CNTNAP2: variants seen among roughly 807,000 people sequenced by gnomAD.
CNTNAP2 encodes the protein contactin associated protein 2, also known as contactin-associated protein-like 2.
CNTNAP2 carries 98 observed loss-of-function variants against 155.2 expected under a neutral mutation model. That is an observed-to-expected ratio of 0.63 (90% CI 0.54 to 0.75). CNTNAP2 has a LOEUF of 0.75. Among genes scored for constraint, CNTNAP2 ranks in the 30% least tolerant of loss-of-function variants. CNTNAP2 has a pLI of 0.00. For missense variants in CNTNAP2, 1,727 were observed against 1,688.1 expected (o/e 1.02, Z -0.40); for synonymous variants, 651 against 631.2 (o/e 1.03, Z -0.47).
At chr7:148,136,932 A>G (rs1804964811) in intron 16 of CNTNAP2, among the ~76,000 whole-genome samples, 1 of 152,230 alleles carries the variant, frequency 6.6e-6, no homozygotes, top group Non-Finnish European at 1.5e-5. Flanking sequence ...TTCAGCTGTT[A>G]TCCAAAACAA....
rs1332838451 is a variant in CNTNAP2 at position 146,314,436 on chromosome 7, T to C, written c.97+197463T>C. Among the ~76,000 whole-genome samples, 3 of 152,186 alleles carry C rather than the reference T, an allele frequency of 2.0e-5. No individual in the cohort carries two copies. The East Asian group carries it at 5.8e-4, about 29-fold the overall frequency. ...TGTTCCAGTTCTTTCTGTCTCTCTT[T>C]TCAGAGAAGCTGAGAGCCAGAGTTT... On this transcript the variant is annotated intron_variant, in intron 1 of 23. Transcript: ENST00000361727.
intron 4 of CNTNAP2, among the ~76,000 whole-genome samples, chr7:147,099,185 A>G (rs569517718): frequency 2.0e-5 from 3 of 152,270 alleles, no homozygotes; most frequent in Admixed American, 2.0e-4. Flanking sequence ...GTTGTCTTGT[A>G]CCTGATTCTG....
rs1278951947 is a variant in CNTNAP2, at chr7:147,771,088, GAGTAGCTAC to G, written c.2098+131787_2098+131795del. ...GATTTATAACCAAGGTAGTGACAAA[GAGTAGCTAC>G]AGTAAAAATAACTATGTTTTAATAA... On this transcript the variant is annotated intron_variant, in intron 13 of 23. Transcript: ENST00000361727. Among the ~76,000 whole-genome samples the G allele has an allele frequency of 9.2e-5, 14 of 152,240 alleles. 1 individual carries two copies. In the South Asian group the frequency reaches 2.7e-3, roughly 29 times the overall value.
chr7:147,061,910 C>T lies in CNTNAP2; in HGVS notation c.550+17856C>T, dbSNP rs112306868. 2.6e-4 allele frequency among the ~76,000 whole-genome samples: 39 copies of T among 151,942 alleles called. 1 individual carries two copies. The South Asian group carries it at 7.5e-3, about 29-fold the overall frequency. ...AGCACTTTGGGAGGTGGGCGGATCACGAGGTCAGGAGATTGAGACCATCCT... is the reference window on the plus strand; with the variant it reads ...AGCACTTTGGGAGGTGGGCGGATCATGAGGTCAGGAGATTGAGACCATCCT... On this transcript the variant is annotated intron_variant, in intron 4 of 23. Coordinates refer to ENST00000361727, the MANE Select transcript of CNTNAP2 (RefSeq NM_014141.6).
intron 1 of CNTNAP2, among the ~76,000 whole-genome samples, chr7:146,437,707 T>G (rs1216255027): frequency 1.3e-5 from 2 of 151,600 alleles, no homozygotes; most frequent in Non-Finnish European, 2.9e-5. Flanking sequence ...AATTTCTCCT[T>G]AGATGCTGGG....
intron 1 of CNTNAP2, among the ~76,000 whole-genome samples, chr7:146,347,337 A>G (rs1268044071): frequency 6.6e-6 from 1 of 152,088 alleles, no homozygotes; most frequent in East Asian, 1.9e-4. Context: ...AATCAGTCTC[A>G]CCATAAGTCC....
At chr7:146,726,254 ATATC>A (rs1206083807) in intron 1 of CNTNAP2, among the ~76,000 whole-genome samples, 6 of 152,194 alleles carry the variant, frequency 3.9e-5, no homozygotes, top group African/African-American at 7.2e-5. Context: ...TTAGGGAACA[ATATC>A]TAGGTAACAA....
intron 12 of CNTNAP2, among the ~76,000 whole-genome samples, chr7:147,626,282 T>G (rs79307864): frequency 0.09 from 13,602 of 151,900 alleles, 1,687 homozygotes; most frequent in African/African-American, 0.26. Flanking sequence ...GAAGTCTATG[T>G]CCTCAGGCAA....
At chr7:147,038,109 C>G (rs985784428) in intron 3 of CNTNAP2, among the ~76,000 whole-genome samples, 3 of 152,158 alleles carry the variant, frequency 2.0e-5, no homozygotes, top group Non-Finnish European at 4.4e-5. Flanking sequence ...TTAGCTATGA[C>G]TGTGCCACTG....
At chr7:147,861,869 A>G (rs1473894585) in intron 13 of CNTNAP2, among the ~76,000 whole-genome samples, 2 of 151,762 alleles carry the variant, frequency 1.3e-5, no homozygotes, top group East Asian at 3.9e-4. Context: ...TATAAAAATT[A>G]CCTGGGCATG....
rs1797039499 is a variant in CNTNAP2 at position 147,408,063 on chromosome 7, G to A, written c.1670+12283G>A. On this transcript the variant is annotated intron_variant, in intron 10 of 23. Coordinates refer to ENST00000361727, the MANE Select transcript of CNTNAP2 (RefSeq NM_014141.6). ...TCCATTCATTCTACAATGTTTCATT[G>A]ATTGCATACCATGTGTCCAAGGACA... Among the ~76,000 whole-genome samples the A allele has an allele frequency of 2.0e-5, 3 of 152,154 alleles. No individual in the cohort carries two copies. In the South Asian group the frequency reaches 6.2e-4, roughly 32 times the overall value.
At chr7:147,242,425 G>A (rs542366944) in intron 8 of CNTNAP2, among the ~76,000 whole-genome samples, 41 of 152,130 alleles carry the variant, frequency 2.7e-4, no homozygotes, top group Non-Finnish European at 5.4e-4. Context: ...CATGTGTCCA[G>A]TTCTGTAACT....
At chr7:147,208,038 ACAAACAGT>A (rs1803056815) in intron 8 of CNTNAP2, among the ~76,000 whole-genome samples, 1 of 151,916 alleles carries the variant, frequency 6.6e-6, no homozygotes. Context: ...ACACGCCTTG[ACAAACAGT>A]CAATACTTTA....
rs979219718 is a variant in CNTNAP2, at chr7:146,254,845, A to G, written c.97+137872A>G. On this transcript the variant is annotated intron_variant, in intron 1 of 23. Coordinates refer to ENST00000361727, the MANE Select transcript of CNTNAP2 (RefSeq NM_014141.6). ...TATTCAAGCTGTAATCACTGAAGGTAGGAAACAAACCAGCAAAACATTTGT... is the reference window on the plus strand; with the variant it reads ...TATTCAAGCTGTAATCACTGAAGGTGGGAAACAAACCAGCAAAACATTTGT... Among the ~76,000 whole-genome samples, 7 of 152,184 alleles carry G rather than the reference A, an allele frequency of 4.6e-5. 2 individuals carry two copies. Among genetic ancestry groups the G allele is most frequent in the African/African-American group, 1.4e-4 (6 of 41,444 alleles).
At chr7:146,279,605 A>T (rs1800217869) in intron 1 of CNTNAP2, among the ~76,000 whole-genome samples, 1 of 152,072 alleles carries the variant, frequency 6.6e-6, no homozygotes, top group African/African-American at 2.4e-5. Context: ...ATTCAAGTTA[A>T]TGAAAAAATA....
At chr7:146,566,933 A>G (rs188847522) in intron 1 of CNTNAP2, among the ~76,000 whole-genome samples, 291 of 152,154 alleles carry the variant, frequency 1.9e-3, no homozygotes, top group African/African-American at 6.5e-3. Flanking sequence ...CATTGTATTT[A>G]TTTACTTATT....
intron 1 of CNTNAP2, among the ~76,000 whole-genome samples, chr7:146,312,408 G>A (rs1800840079): frequency 6.6e-6 from 1 of 151,596 alleles, no homozygotes; most frequent in African/African-American, 2.4e-5. Flanking sequence ...TTGGTGTGTT[G>A]GCGATTTTTT....
At chr7:146,954,740 T>C (rs1797398291) in intron 3 of CNTNAP2, among the ~76,000 whole-genome samples, 1 of 151,974 alleles carries the variant, frequency 6.6e-6, no homozygotes, top group Non-Finnish European at 1.5e-5. Flanking sequence ...TTAAATGTTA[T>C]ACTCTCTTAC....
intron 2 of CNTNAP2, among the ~76,000 whole-genome samples, chr7:146,784,106 A>G (rs1247081045): frequency 6.6e-6 from 1 of 152,242 alleles, no homozygotes; most frequent in African/African-American, 2.4e-5. Context: ...AAAGGGGAAT[A>G]AAGATAAAAG....
Sources: gnomAD v4.1 joint callset for allele counts (sites outside exome capture counted in the v4.1 genomes callset) on GRCh38, gnomAD v4.1.1 for gene constraint, MANE v1.5 for transcripts, NCBI Gene and HGNC (gene_info 2026-07-23, HGNC 2026-07-21) for gene names.